Variants in BPI observed in about 807,000 individuals in gnomAD.
BPI encodes bactericidal permeability-increasing protein.
Under a neutral mutation model 57.6 loss-of-function variants are expected in BPI, and 48 were observed. That is an observed-to-expected ratio of 0.83 (90% CI 0.66 to 1.06). The LOEUF (loss-of-function observed/expected upper bound fraction) is 1.06. Among genes scored for constraint, BPI ranks in the 50% least tolerant of loss-of-function variants. The pLI is 0.00. For synonymous variants in BPI, 237 were observed against 238.2 expected (o/e 0.99, Z 0.05); for missense variants, 651 against 609.7 (o/e 1.07, Z -0.71).
rs1298222552 is a variant in BPI, at chr20:38,326,258, G to A, written c.994-7G>A. ...CTTTCGTTGATTGTCTCCACTGGGG[G>A]CTGCAGGTGGCCAAGAAGTTTCCCA... On this transcript the variant is annotated splice_region_variant and splice_polypyrimidine_tract_variant and intron_variant, in intron 9 of 14. Coordinates refer to ENST00000642449, the MANE Select transcript of BPI (RefSeq NM_001725.3). 1.9e-6 allele frequency: 3 copies of A among 1,610,114 alleles called. No individual in the cohort carries two copies. The highest frequency in any genetic ancestry group is 2.5e-6 in the Non-Finnish European group (3 of 1,177,562).
At chr20:38,317,766 G>T in intron 5 of BPI, 1 of 1,325,858 alleles carries the variant, frequency 7.5e-7, no homozygotes. Flanking sequence ...TTTTACAGAT[G>T]AAGAAATAGA....
At chr20:38,327,486 C>A in intron 10 of BPI, 102 bp from the exon 11 acceptor site, 1 of 1,296,910 alleles carries the variant, frequency 7.7e-7, no homozygotes, top group Non-Finnish European at 1.1e-6. Flanking sequence ...ACAGTGTATG[C>A]TGCCCTGCTG....
Position 38,324,011 on chromosome 20 carries a change from G to T in BPI, c.898G>T (p.Ala300Ser), listed in dbSNP as rs1333560086. The T allele has an allele frequency of 3.7e-6, 6 of 1,614,128 alleles. No homozygotes were observed. The Admixed American group carries it at 5.0e-5, about 13-fold the overall frequency. ...FNTAGLVYQE[A>S]GVLKMTLRDD... ...CACAGCCGGGCTTGTATACCAAGAG[G>T]CTGGGGTCTTGAAGATGACCCTTAG... Residue 300 changes from alanine to serine, a missense_variant, in exon 8 of 15, where the codon GCT becomes TCT. Transcript: ENST00000642449.
chr20:38,323,794 A>T, intron 7 of BPI, 76 bp from the exon 8 acceptor site: 3 of 1,517,730 alleles, frequency 2.0e-6, no homozygotes, highest in South Asian at 1.3e-5. Flanking sequence ...TCTTCAGTCC[A>T]TTTTTTCCTG....
chr20:38,315,991 C>A (rs181261781), intron 5 of BPI, among the ~76,000 whole-genome samples: 24 of 152,100 alleles, frequency 1.6e-4, no homozygotes, highest in African/African-American at 5.5e-4. Context: ...TGCCACCATG[C>A]CTGGCTAATT....
Position 38,337,259 on chromosome 20 carries a change from A to AG in BPI, c.*78dup. 1.5e-6 allele frequency: 2 copies of AG among 1,322,546 alleles called. No homozygotes were observed. The highest frequency in any genetic ancestry group is 2.1e-6 in the Non-Finnish European group (2 of 956,044). The allele number at this position is 1,322,546 out of a possible 1,614,324, so 81.9% of individuals were successfully genotyped here. ...TGTGGGGCACCGGCTGCCTTTCCCC[A>AG]GGGAATCCTCTCCAGATCTTAACCA... On this transcript the variant is annotated 3_prime_UTR_variant, in exon 15 of 15. Transcript: ENST00000642449.
At chr20:38,328,632 G>C (rs2076726085) in intron 11 of BPI, among the ~76,000 whole-genome samples, 1 of 152,100 alleles carries the variant, frequency 6.6e-6, no homozygotes, top group Admixed American at 6.5e-5. Flanking sequence ...GTGTTGAAGT[G>C]TTTAGAACAC....
At chr20:38,322,014 A>G (rs146014742) in intron 7 of BPI, among the ~76,000 whole-genome samples, 2 of 152,350 alleles carry the variant, frequency 1.3e-5, no homozygotes, top group East Asian at 1.9e-4. Context: ...TGCATGTGTC[A>G]TATTATATAT....
intron 14 of BPI, among the ~76,000 whole-genome samples, chr20:38,336,498 C>T (rs973623448): frequency 4.0e-5 from 6 of 149,002 alleles, no homozygotes; most frequent in African/African-American, 1.0e-4. Flanking sequence ...GCAGCGAAAC[C>T]GTCACCCAGC....
At chr20:38,325,097 G>T (rs5743522) in intron 9 of BPI, among the ~76,000 whole-genome samples, 132 of 152,292 alleles carry the variant, frequency 8.7e-4, no homozygotes, top group African/African-American at 3.1e-3. Flanking sequence ...CCCACCATGT[G>T]CCTGGGGCCC....
intron 10 of BPI, 148 bp from the exon 11 acceptor site, chr20:38,327,440 G>T: frequency 1.4e-6 from 1 of 737,218 alleles, no homozygotes; most frequent in Non-Finnish European, 2.3e-6. Flanking sequence ...GCCAAGGGAA[G>T]TCTCCCCACT....
At chr20:38,309,933 C>A (rs1600698818) in intron 3 of BPI, among the ~76,000 whole-genome samples, 1 of 152,140 alleles carries the variant, frequency 6.6e-6, no homozygotes, top group South Asian at 2.1e-4. Flanking sequence ...GTCTCCTCCC[C>A]ACAATAAGAA....
At position 38,337,466 on chromosome 20, in the gene BPI, G is replaced by A; in HGVS notation, c.*282G>A. 2.9e-6 allele frequency: 1 copy of A among 344,576 alleles called. No homozygotes were observed. The allele number at this position is 344,576 out of a possible 1,614,324, so 21.3% of individuals were successfully genotyped here. On this transcript the variant is annotated 3_prime_UTR_variant, in exon 15 of 15. Transcript: ENST00000642449. ...AATTGTAACCAAGAAATTTCCATTT[G>A]TGCTTCATGAAAAAAAACTTCTGGT...
intron 5 of BPI, among the ~76,000 whole-genome samples, chr20:38,312,780 C>T: frequency 6.6e-6 from 1 of 152,006 alleles, no homozygotes; most frequent in East Asian, 1.9e-4. Context: ...AGATGGGGGG[C>T]ATCAATCAAG....
chr20:38,318,514 GA>G (rs148138176), intron 6 of BPI, 38 bp downstream of exon 6: 90,388 of 1,597,264 alleles, frequency 0.057, 2,912 homozygotes, highest in South Asian at 0.12. Flanking sequence ...GAAAGGAACA[GA>G]AATGGGAGGG....
chr20:38,305,804 G>A (rs973790243), intron 1 of BPI, among the ~76,000 whole-genome samples: 2 of 152,074 alleles, frequency 1.3e-5, no homozygotes, highest in South Asian at 2.1e-4. Context: ...ATACATATAC[G>A]GAGCCTAGAA....
intron 13 of BPI, among the ~76,000 whole-genome samples, 193 bp downstream of exon 13, chr20:38,334,686 T>G (rs1312720985): frequency 6.6e-6 from 1 of 152,112 alleles, no homozygotes; most frequent in African/African-American, 2.4e-5. Flanking sequence ...TTACTACACA[T>G]GGGTTGATTC....
rs543490741 is a variant in BPI at position 38,307,795 on chromosome 20, A to T, written c.245+114A>T. On this transcript the variant is annotated intron_variant, in intron 2 of 14. Coordinates refer to ENST00000642449, the MANE Select transcript of BPI (RefSeq NM_001725.3). ...TCAACTCACAGAGTTTCATATCCCA[A>T]AGCCTGCATTTACATCATCCCAAGG... 6.8e-5 allele frequency: 61 copies of T among 894,084 alleles called. No individual in the cohort carries two copies. The African/African-American group carries it at 1.0e-3, about 15-fold the overall frequency. 55.4% of individuals were successfully genotyped at this position (894,084 alleles called of 1,614,324 possible).
intron 5 of BPI, among the ~76,000 whole-genome samples, chr20:38,318,183 A>G (rs952169653): frequency 6.6e-6 from 1 of 152,142 alleles, no homozygotes; most frequent in Non-Finnish European, 1.5e-5. Context: ...ACACCAGGGC[A>G]GGAAATAGAA....
Sources: allele counts gnomAD v4.1 joint callset (sites outside exome capture counted in the v4.1 genomes callset), GRCh38; gene constraint gnomAD v4.1.1; transcripts MANE v1.5; gene names NCBI Gene and HGNC (gene_info 2026-07-23, HGNC 2026-07-21).